ZDBF2: variants seen among roughly 807,000 people sequenced by gnomAD.
ZDBF2 encodes zinc finger DBF-type containing 2.
ZDBF2 carries 6 observed loss-of-function variants against 9.4 expected under a neutral mutation model. That is an observed-to-expected ratio of 0.64 (90% CI 0.35 to 1.27). The LOEUF is 1.27. Among genes scored for constraint, ZDBF2 ranks in the 50% most tolerant of loss-of-function variants. ZDBF2 has a pLI of 0.03. For synonymous variants in ZDBF2, 905 were observed against 946.3 expected, an observed-to-expected ratio of 0.96 and a Z score of 0.80; for missense variants, 2,697 against 2,766.8, an observed-to-expected ratio of 0.97 and a Z score of 0.57.
At chr2:206,304,531 C>A (rs1692661904) in intron 4 of ZDBF2, among the ~76,000 whole-genome samples, 186 bp from the exon 5 acceptor site, 1 of 152,182 alleles carries the variant, frequency 6.6e-6, no homozygotes, top group Admixed American at 6.5e-5. Context: ...GGTGGAGCCA[C>A]CTCCACCTTC....
Position 206,310,933 on chromosome 2 carries a change from G to T in ZDBF2, c.6405G>T (p.Leu2135=). ...TGTTTCTGGAAGAATCAAAGGTTCT[G>T]CATGCTCGTGAGCTTCCAAAGAAAA... ...SSLFLEESKV[L]HARELPKKRN... Residue 2135 remains leucine, a synonymous_variant, in exon 5 of 5, where the codon CTG becomes CTT. Transcript: ENST00000374423. 6.2e-7 allele frequency: 1 copy of T among 1,613,912 alleles called. No homozygotes were observed.
chr2:206,306,584 G>C lies in ZDBF2; in HGVS notation c.2056G>C (p.Glu686Gln). Residue 686 changes from glutamate to glutamine, a missense_variant, in exon 5 of 5, where the codon GAG becomes CAG. This residue lies in a region of ZDBF2 where 910 missense variants were observed against 973.6 expected (regional missense o/e 0.93). Transcript: ENST00000374423. The part of the protein sequence containing the change: ...LADQSQVAEI[E>Q]RQKVDVDLEN... Reference sequence around the variant, plus strand: ...TGACCAGTCTCAAGTAGCCGAAATAGAGCGTCAGAAAGTGGATGTTGACCT... The same window carrying C: ...TGACCAGTCTCAAGTAGCCGAAATACAGCGTCAGAAAGTGGATGTTGACCT... 6.2e-7 allele frequency: 1 copy of C among 1,613,664 alleles called. No homozygotes were observed.
At position 206,312,358 on chromosome 2, in the gene ZDBF2, C is replaced by T. The variant is rs577241427; in HGVS notation, c.*765C>T. On this transcript the variant is annotated 3_prime_UTR_variant, in exon 5 of 5. Transcript: ENST00000374423. ...ATGAAAATCCAGGTTATTTTGTGGC[C>T]TTATCCCCTAAAAATATTTTAGGCA... The T allele has an allele frequency of 7.2e-5, 11 of 152,036 alleles. No individual in the cohort carries two copies. The highest frequency in any genetic ancestry group is 2.4e-4 in the African/African-American group (10 of 41,462). 9.4% of individuals were successfully genotyped at this position (152,036 alleles called of 1,614,324 possible).
rs749145652 is a variant in ZDBF2, at chr2:206,309,291, C to T, written c.4763C>T (p.Ala1588Val). Residue 1588 changes from alanine (A) to valine (V), a missense_variant, in exon 5 of 5, where the codon GCC becomes GTC. Coordinates refer to ENST00000374423, the MANE Select transcript of ZDBF2 (RefSeq NM_020923.3). ...TCTGAAGTCAGATGTAATTGTAAAG[C>T]CTCTACTCCCTCAATGACAAACCAA... ...FGSEVRCNCK[A>V]STPSMTNQCK... 3.1e-6 allele frequency: 5 copies of T among 1,611,946 alleles called. No individual in the cohort carries two copies. The highest frequency in any genetic ancestry group is 1.3e-5 in the African/African-American group (1 of 74,968).
intron 4 of ZDBF2, among the ~76,000 whole-genome samples, chr2:206,301,790 T>G (rs1172314873): frequency 6.6e-6 from 1 of 152,140 alleles, no homozygotes; most frequent in African/African-American, 2.4e-5. Context: ...TTTCCTTTTC[T>G]TCATGTATTT....
Position 206,306,427 on chromosome 2 carries a change from G to A in ZDBF2, c.1899G>A (p.Gly633=), listed in dbSNP as rs748458915. 3.1e-6 allele frequency: 5 copies of A among 1,613,712 alleles called. No individual in the cohort carries two copies. The African/African-American group carries it at 5.3e-5, about 17-fold the overall frequency. Residue 633 remains glycine, a synonymous_variant, in exon 5 of 5, where the codon GGG becomes GGA. Transcript: ENST00000374423. Reference sequence around the variant, plus strand: ...ATCTTGATTGTGATGTCTCACTTGGGACAGTTGCAGATGAATCCCAGAGGG... The same window carrying A: ...ATCTTGATTGTGATGTCTCACTTGGAACAGTTGCAGATGAATCCCAGAGGG... The part of the protein sequence containing the change: ...KAHLDCDVSL[G]TVADESQRAV...
rs1483137117 is a variant in ZDBF2, at chr2:206,308,040, T to C, written c.3512T>C (p.Ile1171Thr). Residue 1171 changes from isoleucine (I) to threonine (T), a missense_variant, in exon 5 of 5, where the codon ATA becomes ACA. Transcript: ENST00000374423. ...NLDSGFLGQS[I>T]VNRPQITILE... ...GATTCTGGTTTCTTGGGTCAGTCAA[T>C]AGTCAATCGACCTCAAATAACTATT... 6.2e-7 allele frequency: 1 copy of C among 1,613,964 alleles called. No homozygotes were observed. The highest frequency in any genetic ancestry group is 1.7e-5 in the Admixed American group (1 of 60,030).
intron 3 of ZDBF2, among the ~76,000 whole-genome samples, chr2:206,287,267 G>A (rs764924830): frequency 3.3e-5 from 5 of 152,114 alleles, no homozygotes; most frequent in African/African-American, 7.2e-5. Flanking sequence ...CTGGCCTAGC[G>A]GTGATGAATT....
At chr2:206,304,313 G>A (rs535843040) in intron 4 of ZDBF2, among the ~76,000 whole-genome samples, 1 of 152,276 alleles carries the variant, frequency 6.6e-6, no homozygotes, top group African/African-American at 2.4e-5. Flanking sequence ...CTCTTTACAT[G>A]TAACAATTAA....
chr2:206,286,007 CA>C (rs1483115903), intron 3 of ZDBF2, among the ~76,000 whole-genome samples: 1 of 152,160 alleles, frequency 6.6e-6, no homozygotes, highest in Non-Finnish European at 1.5e-5. Context: ...CATATCTGTA[CA>C]TTTTCAGAAG....
intron 1 of ZDBF2, among the ~76,000 whole-genome samples, chr2:206,278,701 G>C (rs1691154111): frequency 6.6e-6 from 1 of 152,048 alleles, no homozygotes; most frequent in Non-Finnish European, 1.5e-5. Context: ...ACCTTTGAGT[G>C]AGTAAATCCT....
Position 206,311,518 on chromosome 2 carries a change from C to T in ZDBF2, c.6990C>T (p.Ser2330=), listed in dbSNP as rs376278465. The T allele has an allele frequency of 5.5e-5, 87 of 1,574,112 alleles. 1 individual carries two copies. The African/African-American group carries it at 1.1e-3, about 19-fold the overall frequency. The change falls in exon 5 of 5, where the codon AGC becomes AGT. Residue 2330 remains serine (S), a synonymous_variant. Coordinates refer to ENST00000374423, the MANE Select transcript of ZDBF2 (RefSeq NM_020923.3). ...STPVRAYDLR[S]SSCLQQRERM... is the part of the protein sequence containing the mutation. ...CTGTGAGAGCATATGATCTGAGAAG[C>T]TCATCTTGTTTACAACAACGTGAGA...
chr2:206,290,568 T>C (rs1003753193), intron 3 of ZDBF2, among the ~76,000 whole-genome samples: 2 of 152,246 alleles, frequency 1.3e-5, no homozygotes, highest in Non-Finnish European at 2.9e-5. Context: ...ACACTTCTTA[T>C]GCTAAATTTA....
Position 206,310,215 on chromosome 2 carries a change from G to A in ZDBF2, c.5687G>A (p.Ser1896Asn). ...GCACCAACTCAAGCTGTGTCAGAGA[G>A]TGATGATATTGTCTGTGGTATTTCA... ...DTAPTQAVSE[S>N]DDIVCGISDI... The change falls in exon 5 of 5, where the codon AGT (serine) becomes AAT (asparagine). Residue 1896 changes from serine to asparagine, a missense_variant. Coordinates refer to ENST00000374423, the MANE Select transcript of ZDBF2 (RefSeq NM_020923.3). 5 of 1,613,968 alleles carry A rather than the reference G, an allele frequency of 3.1e-6. No homozygotes were observed. Among genetic ancestry groups the A allele is most frequent in the Non-Finnish European group, 4.2e-6 (5 of 1,179,884 alleles).
In ZDBF2 at chr2:206,313,087, A is replaced by C. The variant is rs964849985; in HGVS notation, c.*1494A>C. On this transcript the variant is annotated 3_prime_UTR_variant, in exon 5 of 5. Transcript: ENST00000374423. ...ATCATTAATGTTAAGAGGAAACATG[A>C]ATTACAACTATATTGTATGACTGCC... 1.3e-5 allele frequency: 2 copies of C among 152,190 alleles called. No homozygotes were observed. The highest frequency in any genetic ancestry group is 3.9e-4 in the East Asian group (2 of 5,194). The allele number at this position is 152,190 out of a possible 1,614,324, so 9.4% of individuals were successfully genotyped here.
In ZDBF2 at chr2:206,309,781, G is replaced by A. The variant is rs762401651; in HGVS notation, c.5253G>A (p.Gln1751=). ...CGGATGGTTTTGAGATGAATTTTCA[G>A]TGTGCTCCCCCTCTTCCATCTGATA... ...CEPDGFEMNF[Q]CAPPLPSDTD... is the part of the protein sequence containing the mutation. Residue 1751 remains glutamine (Q), a synonymous_variant, in exon 5 of 5, where the codon CAG becomes CAA. Transcript: ENST00000374423. 6.2e-7 allele frequency: 1 copy of A among 1,613,962 alleles called. No individual in the cohort carries two copies. The highest frequency in any genetic ancestry group is 8.5e-7 in the Non-Finnish European group (1 of 1,179,890).
In ZDBF2 at chr2:206,294,718, C is replaced by T. The variant is rs1226189764; in HGVS notation, c.61-2528C>T. On this transcript the variant is annotated intron_variant, in intron 3 of 4. Coordinates refer to ENST00000374423, the MANE Select transcript of ZDBF2 (RefSeq NM_020923.3). ...ATGTCCACATGTACCTAATGTTTAGCTCCCACTTAAAAGTGAGAATATGTG... is the reference window on the plus strand; with the variant it reads ...ATGTCCACATGTACCTAATGTTTAGTTCCCACTTAAAAGTGAGAATATGTG... 2.0e-5 allele frequency among the ~76,000 whole-genome samples: 3 copies of T among 152,106 alleles called. No individual in the cohort carries two copies. In the South Asian group the frequency reaches 6.2e-4, roughly 31 times the overall value.
chr2:206,302,994 C>G (rs1016403097), intron 4 of ZDBF2, among the ~76,000 whole-genome samples: 1 of 152,078 alleles, frequency 6.6e-6, no homozygotes, highest in African/African-American at 2.4e-5. Context: ...TACTCTCTCA[C>G]ACAATTTCTC....
Position 206,301,399 on chromosome 2 carries a change from C to G in ZDBF2, c.189-3318C>G, listed in dbSNP as rs13423412. On this transcript the variant is annotated intron_variant, in intron 4 of 4. Transcript: ENST00000374423. ...TTCTTTTATGCCTTTTTCTTCATGC[C>G]TTTGTTTTTTCTTTTAAATATTTAT... 7.4e-3 allele frequency among the ~76,000 whole-genome samples: 1,121 copies of G among 151,404 alleles called. 14 individuals carry two copies. The highest frequency in any genetic ancestry group is 0.026 in the African/African-American group (1,068 of 41,286).
Sources: gnomAD v4.1 joint callset for allele counts (sites outside exome capture counted in the v4.1 genomes callset) on GRCh38, gnomAD v4.1.1 for gene constraint, gnomAD v4.1.1 regional missense constraint, MANE v1.5 for transcripts, NCBI Gene and HGNC (gene_info 2026-07-23, HGNC 2026-07-21) for gene names.